TMOD1: variants seen among roughly 807,000 people sequenced by gnomAD.
TMOD1 encodes tropomodulin 1, also known as tropomodulin-1.
Under a neutral mutation model 40.6 loss-of-function variants are expected in TMOD1, and 17 were observed. That is an observed-to-expected ratio of 0.42 (90% CI 0.29 to 0.63). TMOD1 has a LOEUF of 0.63. Ranked by LOEUF, TMOD1 falls within the 20% of genes least tolerant of loss-of-function variation. The probability of loss-of-function intolerance (pLI) is 0.22; values close to 1 mark genes in which losing one functional copy is unlikely to be tolerated. For missense variants in TMOD1, 391 were observed against 447.6 expected, an observed-to-expected ratio of 0.87 and a Z score of 1.14; for synonymous variants, 181 against 175.0, an observed-to-expected ratio of 1.03 and a Z score of -0.27.
In TMOD1 at chr9:97,591,356, T is replaced by G; in HGVS notation, c.936T>G (p.Leu312=). 1 of 1,614,090 alleles carries G rather than the reference T, an allele frequency of 6.2e-7. No individual in the cohort carries two copies. Among genetic ancestry groups the G allele is most frequent in the East Asian group, 2.2e-5 (1 of 44,878 alleles). ...IVSMLEKNAT[L]LKFGYHFTQQ... ...GCATGTTGGAAAAAAACGCAACACT[T>G]CTCAAATTCGGCTACCACTTTACCC... Residue 312 remains leucine, a synonymous_variant, in exon 9 of 10, where the codon CTT becomes CTG. Coordinates refer to ENST00000259365, the MANE Select transcript of TMOD1 (RefSeq NM_003275.4).
chr9:97,511,733 C>A (rs1468477153), intron 1 of TMOD1, among the ~76,000 whole-genome samples: 1 of 152,150 alleles, frequency 6.6e-6, no homozygotes, highest in Non-Finnish European at 1.5e-5. Flanking sequence ...TACAGGAGTG[C>A]GCCATCACAC....
At chr9:97,574,284 G>T (rs1830876672) in intron 8 of TMOD1, among the ~76,000 whole-genome samples, 1 of 151,998 alleles carries the variant, frequency 6.6e-6, no homozygotes, top group Non-Finnish European at 1.5e-5. Flanking sequence ...TTCCGGGTGG[G>T]CGTGCTCTCG....
chr9:97,559,789 AAAAAAATATATATATATAT>A (rs1457349542), intron 4 of TMOD1, among the ~76,000 whole-genome samples: 3 of 43,812 alleles, frequency 6.8e-5, no homozygotes, highest in Admixed American at 6.8e-4. Flanking sequence ...AAAAAAAAAA[AAAAAAATATATATATATAT>A]ATATATATAT....
intron 3 of TMOD1, among the ~76,000 whole-genome samples, chr9:97,552,350 C>T (rs1473169718): frequency 1.3e-5 from 2 of 152,152 alleles, no homozygotes; most frequent in East Asian, 1.9e-4. Context: ...CCCAAAACAG[C>T]GGTGCACACC....
At position 97,502,477 on chromosome 9, in the gene TMOD1, T is replaced by G. The variant is rs781270414; in HGVS notation, c.-49+674T>G. Among the ~76,000 whole-genome samples the G allele has an allele frequency of 6.6e-6, 1 of 152,136 alleles. No homozygotes were observed. The highest frequency in any genetic ancestry group is 1.5e-5 in the Non-Finnish European group (1 of 68,016). On this transcript the variant is annotated intron_variant, in intron 1 of 9. Transcript: ENST00000259365. The surrounding 1 kb of genome is among the most constrained non-coding windows in gnomAD (Gnocchi z 6.1). ...CCGGCTCTCGGCATGGCCTTGGCAA[T>G]CCCCCTCTTGTTTCTGGATCTCAGT...
At chr9:97,580,196 G>A (rs141253794) in intron 8 of TMOD1, among the ~76,000 whole-genome samples, 108 of 152,258 alleles carry the variant, frequency 7.1e-4, no homozygotes, top group African/African-American at 2.4e-3. Context: ...TTGGCAGTGG[G>A]GAGCCATTAG....
rs1420557517 is a variant in TMOD1, at chr9:97,501,674, C to T, written c.-178C>T. ...CGCCCGCGGCCGCCCGGGAGCTCGT[C>T]CAGCCCCGCGCTGCGCTCGCCCGCC... On this transcript the variant is annotated 5_prime_UTR_variant, in exon 1 of 10. Transcript: ENST00000259365. 1 of 148,152 alleles carries T rather than the reference C, an allele frequency of 6.7e-6. No individual in the cohort carries two copies. The highest frequency in any genetic ancestry group is 3.2e-3 in the Middle Eastern group (1 of 314). 9.2% of individuals were successfully genotyped at this position (148,152 alleles called of 1,614,324 possible).
intron 6 of TMOD1, among the ~76,000 whole-genome samples, chr9:97,564,750 G>A (rs1040098895): frequency 6.6e-6 from 1 of 152,148 alleles, no homozygotes; most frequent in Admixed American, 6.5e-5. Flanking sequence ...GGAGGGACAG[G>A]TGGACAGGCA....
chr9:97,524,325 G>C lies in TMOD1; in HGVS notation c.120+17G>C, dbSNP rs375397892. The C allele has an allele frequency of 6.2e-7, 1 of 1,611,816 alleles. No individual in the cohort carries two copies. Among genetic ancestry groups the C allele is most frequent in the African/African-American group, 1.3e-5 (1 of 74,802 alleles). The stretch of plus-strand genomic sequence containing the variant: ...GACCCTGATGTGAGTAGGTGCTAAA[G>C]GGAAGCACATTGTCACTAGCGAGGG... On this transcript the variant is annotated intron_variant, in intron 2 of 9. Coordinates refer to ENST00000259365, the MANE Select transcript of TMOD1 (RefSeq NM_003275.4).
At chr9:97,522,960 C>T (rs971411874) in intron 1 of TMOD1, among the ~76,000 whole-genome samples, 5 of 152,182 alleles carry the variant, frequency 3.3e-5, no homozygotes, top group Non-Finnish European at 7.3e-5. Flanking sequence ...CGCTCGAGGT[C>T]CTGCTGTCCC....
intron 8 of TMOD1, among the ~76,000 whole-genome samples, chr9:97,586,351 A>T (rs1256567795): frequency 6.6e-6 from 1 of 152,058 alleles, no homozygotes; most frequent in South Asian, 2.1e-4. Context: ...TTGAGGAGGC[A>T]GTCTGCCCGT....
At chr9:97,567,472 C>T (rs1427534530) in intron 7 of TMOD1, among the ~76,000 whole-genome samples, 1 of 152,258 alleles carries the variant, frequency 6.6e-6, no homozygotes, top group Non-Finnish European at 1.5e-5. Context: ...CCCGGTTCCT[C>T]CACTGGGACC....
At chr9:97,521,642 G>T (rs937881252) in intron 1 of TMOD1, among the ~76,000 whole-genome samples, 1 of 152,178 alleles carries the variant, frequency 6.6e-6, no homozygotes, top group African/African-American at 2.4e-5. Context: ...GTGATGGGGG[G>T]CCATTTATGG....
At chr9:97,509,466 T>C (rs968776585) in intron 1 of TMOD1, among the ~76,000 whole-genome samples, 2 of 151,998 alleles carry the variant, frequency 1.3e-5, no homozygotes. Flanking sequence ...TTTATGCCGT[T>C]TTGGGGGTTT....
At position 97,561,253 on chromosome 9, in the gene TMOD1, A is replaced by G. The variant is rs1272057514; in HGVS notation, c.398-1479A>G. Among the ~76,000 whole-genome samples the G allele has an allele frequency of 2.6e-5, 4 of 152,218 alleles. No individual in the cohort carries two copies. In the East Asian group the frequency reaches 7.7e-4, roughly 29 times the overall value. ...ATGGCTTCCCAGGCTGTTCCTAGGA[A>G]AAGACACCCGAACTCCTTACTCAGC... On this transcript the variant is annotated intron_variant, in intron 4 of 9. Coordinates refer to ENST00000259365, the MANE Select transcript of TMOD1 (RefSeq NM_003275.4).
At chr9:97,511,104 A>G (rs1238388544) in intron 1 of TMOD1, among the ~76,000 whole-genome samples, 1 of 151,806 alleles carries the variant, frequency 6.6e-6, no homozygotes, top group Admixed American at 6.6e-5. Flanking sequence ...ACACACACAC[A>G]CACACACAGG....
chr9:97,578,260 G>T (rs1314483806), intron 8 of TMOD1, among the ~76,000 whole-genome samples: 1 of 152,102 alleles, frequency 6.6e-6, no homozygotes, highest in Non-Finnish European at 1.5e-5. Context: ...TTACCATGTT[G>T]GCCAGGATGG....
intron 1 of TMOD1, among the ~76,000 whole-genome samples, chr9:97,517,037 T>C (rs748853211): frequency 3.9e-5 from 6 of 152,184 alleles, no homozygotes; most frequent in Non-Finnish European, 7.4e-5. Flanking sequence ...AACAAAAAGA[T>C]AGTGGGCCTG....
Position 97,601,604 on chromosome 9 carries a change from T to C in TMOD1, c.*1906T>C. 1.0e-6 allele frequency: 1 copy of C among 987,352 alleles called. No homozygotes were observed. The highest frequency in any genetic ancestry group is 1.2e-6 in the Non-Finnish European group (1 of 831,314). 61.2% of individuals were successfully genotyped at this position (987,352 alleles called of 1,614,324 possible). ...TGGTCTAGATCAGGGGCTGGCAAAC[T>C]TTTCTGTAAAAGGCCAGACAGTAAA... On this transcript the variant is annotated 3_prime_UTR_variant, in exon 10 of 10. Transcript: ENST00000259365.
Sources: gnomAD v4.1 joint callset for allele counts (sites outside exome capture counted in the v4.1 genomes callset) on GRCh38, gnomAD v4.1.1 for gene constraint, Gnocchi (gnomAD v3.1) non-coding constraint, MANE v1.5 for transcripts, NCBI Gene and HGNC (gene_info 2026-07-23, HGNC 2026-07-21) for gene names.